FAM178B: variants seen among roughly 807,000 people sequenced by gnomAD.
The protein encoded by FAM178B is family with sequence similarity 178 member B.
In FAM178B, 82 loss-of-function variants were observed where a neutral mutation model predicts 91.7. That is an observed-to-expected ratio of 0.89 (90% CI 0.75 to 1.07). FAM178B has a LOEUF of 1.07. Ranked by LOEUF, FAM178B falls within the 50% of genes least tolerant of loss-of-function variation. FAM178B has a pLI of 0.00. For missense variants in FAM178B, 769 were observed against 846.7 expected, an observed-to-expected ratio of 0.91 and a Z score of 1.14; for synonymous variants, 368 against 359.4, an observed-to-expected ratio of 1.02 and a Z score of -0.27.
intron 12 of FAM178B, among the ~76,000 whole-genome samples, chr2:96,917,023 G>T (rs1574243493): frequency 2.6e-5 from 4 of 152,232 alleles, no homozygotes; most frequent in Admixed American, 2.6e-4. Context: ...CAGGAAAAAA[G>T]AATTAGGAGC....
chr2:96,876,474 T>C (rs948467457), intron 16 of FAM178B, among the ~76,000 whole-genome samples, 166 bp from the exon 17 acceptor site: 21 of 152,110 alleles, frequency 1.4e-4, no homozygotes, highest in African/African-American at 5.1e-4. Flanking sequence ...GACACAGCGG[T>C]CATCAGGCTA....
Position 96,967,911 on chromosome 2 carries a change from CTTTTTTTTTTTTTT to C in FAM178B, c.627-298_627-285del, listed in dbSNP as rs60965536. 5.4e-4 allele frequency among the ~76,000 whole-genome samples: 34 copies of C among 62,446 alleles called. 1 individual carries two copies. The highest frequency in any genetic ancestry group is 8.1e-4 in the Non-Finnish European group (27 of 33,242). The allele number at this position is 62,446 out of a possible 152,430, so 41.0% of individuals were successfully genotyped here. ...TCTTTACTTGTGTACCCTGTTTGGTCTTTTTTTTTTTTTTTTTTTTTTTTTTTGATACCAGACAT... is the reference window on the plus strand; with the variant it reads ...TCTTTACTTGTGTACCCTGTTTGGTCTTTTTTTTTTTTTGATACCAGACAT... On this transcript the variant is annotated intron_variant, in intron 4 of 16. Coordinates refer to ENST00000490605, the MANE Select transcript of FAM178B (RefSeq NM_001122646.3).
intron 10 of FAM178B, 25 bp from the exon 11 acceptor site, chr2:96,921,679 G>T: frequency 1.3e-6 from 2 of 1,549,904 alleles, no homozygotes; most frequent in Non-Finnish European, 1.7e-6. Flanking sequence ...GAGGGCAGGG[G>T]TGGCCAGGGC....
At chr2:96,908,003 C>T (rs2081086771) in intron 12 of FAM178B, among the ~76,000 whole-genome samples, 1 of 152,270 alleles carries the variant, frequency 6.6e-6, no homozygotes, top group Non-Finnish European at 1.5e-5. Flanking sequence ...GGGCGTCCGC[C>T]TGGCTCGCAC....
chr2:96,945,511 CAT>C (rs2081812544), intron 8 of FAM178B, among the ~76,000 whole-genome samples: 1 of 152,140 alleles, frequency 6.6e-6, no homozygotes, highest in Non-Finnish European at 1.5e-5. Context: ...CTCCTGTTTA[CAT>C]ATGAGAAGCG....
At position 96,889,207 on chromosome 2, in the gene FAM178B, G is replaced by C. The variant is rs575779942; in HGVS notation, c.1776+4719C>G. 2.0e-4 allele frequency among the ~76,000 whole-genome samples: 31 copies of C among 152,286 alleles called. 1 individual carries two copies. In the South Asian group the frequency reaches 6.2e-3, roughly 31 times the overall value. ...GGTGCCTGACTCTGCCCCAGCTCTG[G>C]GACCATCCCCCTTTGTGGTCCTTAG... On this transcript the variant is annotated intron_variant, in intron 14 of 16. Transcript: ENST00000490605.
intron 16 of FAM178B, among the ~76,000 whole-genome samples, chr2:96,876,630 T>C (rs2080248492): frequency 6.6e-6 from 1 of 152,186 alleles, no homozygotes; most frequent in South Asian, 2.1e-4. Flanking sequence ...TCTCCAGCCT[T>C]CTCAGAGACT....
intron 13 of FAM178B, chr2:96,894,978 T>A: frequency 9.0e-7 from 1 of 1,107,704 alleles, no homozygotes; most frequent in Non-Finnish European, 1.2e-6. Context: ...CTTGCATCCC[T>A]CTCTTTTGGT....
intron 14 of FAM178B, among the ~76,000 whole-genome samples, chr2:96,879,281 G>A (rs2080321083): frequency 6.6e-6 from 1 of 152,178 alleles, no homozygotes; most frequent in Non-Finnish European, 1.5e-5. Flanking sequence ...TTCATGTCTA[G>A]GATCAGGAGG....
intron 9 of FAM178B, among the ~76,000 whole-genome samples, chr2:96,924,539 C>T (rs762695420): frequency 3.3e-5 from 5 of 152,178 alleles, no homozygotes; most frequent in East Asian, 1.9e-4. Context: ...GAGATGCTTA[C>T]GGTGAGGGGG....
chr2:96,940,197 C>A (rs185910739), intron 8 of FAM178B, among the ~76,000 whole-genome samples: 1 of 152,148 alleles, frequency 6.6e-6, no homozygotes, highest in African/African-American at 2.4e-5. Context: ...ACAATGGGAC[C>A]AGCCCTGTGG....
At chr2:96,878,614 C>G (rs2153367017) in intron 14 of FAM178B, 121 bp from the exon 15 acceptor site, 1 of 855,790 alleles carries the variant, frequency 1.2e-6, no homozygotes, top group East Asian at 2.6e-5. Context: ...TCAGTCACCC[C>G]TAGGCTTTCA....
chr2:96,962,179 G>A (rs1347075903), intron 5 of FAM178B, among the ~76,000 whole-genome samples: 2 of 152,112 alleles, frequency 1.3e-5, no homozygotes, highest in African/African-American at 4.8e-5. Flanking sequence ...GCCGGCACCT[G>A]TAATCCCAGC....
chr2:96,924,830 GC>G (rs1382448811), intron 9 of FAM178B, among the ~76,000 whole-genome samples: 1 of 152,160 alleles, frequency 6.6e-6, no homozygotes, highest in Non-Finnish European at 1.5e-5. Flanking sequence ...GCTCCAGGCA[GC>G]CCCCTGGCAC....
At chr2:96,933,865 C>CCCA (rs1387557056) in intron 8 of FAM178B, among the ~76,000 whole-genome samples, 1 of 152,226 alleles carries the variant, frequency 6.6e-6, no homozygotes, top group Non-Finnish European at 1.5e-5. Context: ...AGCTACCCAT[C>CCCA]CCACTGAGTC....
At chr2:96,966,153 C>T (rs2082140156) in intron 5 of FAM178B, among the ~76,000 whole-genome samples, 1 of 152,050 alleles carries the variant, frequency 6.6e-6, no homozygotes, top group Admixed American at 6.6e-5. Flanking sequence ...CCCCACCAGC[C>T]CCCTCCTCCA....
At chr2:96,978,116 T>A (rs1206841689) in intron 1 of FAM178B, among the ~76,000 whole-genome samples, 2 of 152,210 alleles carry the variant, frequency 1.3e-5, no homozygotes, top group Non-Finnish European at 2.9e-5. Flanking sequence ...CTCACCTTAG[T>A]GCACGGAAGT....
chr2:96,923,430 C>T, intron 10 of FAM178B, 60 bp downstream of exon 10: 1 of 1,299,606 alleles, frequency 7.7e-7, no homozygotes, highest in Non-Finnish European at 1.1e-6. Context: ...AATTTAGCTG[C>T]TGAATGGGTC....
At chr2:96,954,044 C>T (rs984671993) in intron 6 of FAM178B, among the ~76,000 whole-genome samples, 5 of 152,224 alleles carry the variant, frequency 3.3e-5, no homozygotes, top group Non-Finnish European at 5.9e-5. Context: ...ATCAAGAACA[C>T]GGATGCTGGG....
Sources: gnomAD v4.1 joint callset for allele counts (sites outside exome capture counted in the v4.1 genomes callset) on GRCh38, gnomAD v4.1.1 for gene constraint, MANE v1.5 for transcripts, NCBI Gene and HGNC (gene_info 2026-07-23, HGNC 2026-07-21) for gene names.